ANTXR1: variants seen among roughly 807,000 people sequenced by gnomAD.
ANTXR1 encodes the protein ANTXR cell adhesion molecule 1.
ANTXR1 carries 19 observed loss-of-function variants against 78.1 expected under a neutral mutation model. The ratio of observed to expected loss-of-function variants is 0.24; its 90% CI spans 0.17 to 0.36. ANTXR1 has a LOEUF of 0.36. Among genes scored for constraint, ANTXR1 ranks in the 10% least tolerant of loss-of-function variants. The pLI is 1.00. For missense variants in ANTXR1, 518 were observed against 718.6 expected (o/e 0.72, Z 3.19); for synonymous variants, 273 against 260.5 (o/e 1.05, Z -0.46).
intron 1 of ANTXR1, among the ~76,000 whole-genome samples, chr2:69,023,231 T>C (rs114959184): frequency 0.062 from 9,364 of 152,220 alleles, 945 homozygotes; most frequent in African/African-American, 0.21. Context: ...TAATTAACCA[T>C]TTGGCACATG....
chr2:69,077,617 A>G, intron 8 of ANTXR1, 129 bp downstream of exon 8: 1 of 997,720 alleles, frequency 1.0e-6, no homozygotes, highest in Non-Finnish European at 1.6e-6. Context: ...TTCTTCCTAT[A>G]TCTTTGTGTC....
At chr2:69,124,495 G>A (rs1409635390) in intron 11 of ANTXR1, 70 bp from the exon 12 acceptor site, 2 of 1,358,080 alleles carry the variant, frequency 1.5e-6, no homozygotes, top group Non-Finnish European at 2.1e-6. Flanking sequence ...GGAGTCCTGT[G>A]TGTCTGGCTC....
chr2:69,195,155 A>G (rs1413428003), intron 17 of ANTXR1, among the ~76,000 whole-genome samples: 1 of 150,278 alleles, frequency 6.7e-6, no homozygotes, highest in African/African-American at 2.5e-5. Context: ...CAACAGAGCA[A>G]GACTCTGTCT....
chr2:69,078,382 C>T (rs1374718434), intron 8 of ANTXR1, among the ~76,000 whole-genome samples: 1 of 152,190 alleles, frequency 6.6e-6, no homozygotes, highest in African/African-American at 2.4e-5. Context: ...GATGCAAATT[C>T]AGAGCTCAGG....
At chr2:69,091,106 TTGTTTGGA>T in intron 9 of ANTXR1, among the ~76,000 whole-genome samples, 187 bp downstream of exon 9, 1 of 145,426 alleles carries the variant, frequency 6.9e-6, no homozygotes, top group African/African-American at 2.5e-5. Flanking sequence ...CACATGTCAG[TTGTTTGGA>T]AGTTAAAAAA....
intron 17 of ANTXR1, among the ~76,000 whole-genome samples, chr2:69,230,455 C>T (rs1675563818): frequency 6.6e-6 from 1 of 152,088 alleles, no homozygotes; most frequent in African/African-American, 2.4e-5. Flanking sequence ...GGAGAGTTAG[C>T]ATTTCATATA....
intron 8 of ANTXR1, among the ~76,000 whole-genome samples, chr2:69,082,139 T>C (rs1294857635): frequency 6.6e-6 from 1 of 152,190 alleles, no homozygotes; most frequent in Admixed American, 6.5e-5. Flanking sequence ...CCAGAATCCA[T>C]GTGGCCTGAT....
At chr2:69,109,601 A>G (rs1239045497) in intron 10 of ANTXR1, among the ~76,000 whole-genome samples, 3 of 152,232 alleles carry the variant, frequency 2.0e-5, no homozygotes, top group Non-Finnish European at 4.4e-5. Context: ...GTAGGGAAAG[A>G]GTGGGTTATT....
chr2:69,025,114 G>A (rs574101593), intron 1 of ANTXR1, among the ~76,000 whole-genome samples: 1 of 152,066 alleles, frequency 6.6e-6, no homozygotes, highest in African/African-American at 2.4e-5. Flanking sequence ...CTTGCCTTTG[G>A]CTCTAATGCC....
chr2:69,079,872 G>C (rs1670849218), intron 8 of ANTXR1, among the ~76,000 whole-genome samples: 1 of 152,112 alleles, frequency 6.6e-6, no homozygotes, highest in Non-Finnish European at 1.5e-5. Context: ...TAGATGATTG[G>C]ACTCTTTTTG....
rs1671672195 is a variant in ANTXR1 at position 69,102,916 on chromosome 2, A to G, written c.778A>G (p.Lys260Glu). The G allele has an allele frequency of 6.2e-7, 1 of 1,614,038 alleles. No individual in the cohort carries two copies. The highest frequency in any genetic ancestry group is 8.5e-7 in the Non-Finnish European group (1 of 1,180,042). ...RNVDRVLCSFKINDSVTLNEK... is the reference protein window; with the variant it reads ...RNVDRVLCSFEINDSVTLNEK... Reference sequence around the variant, plus strand: ...CGTGGACAGGGTCCTCTGCAGCTTCAAGATCAATGACTCGGTCACACTCAG... The same window carrying G: ...CGTGGACAGGGTCCTCTGCAGCTTCGAGATCAATGACTCGGTCACACTCAG... Residue 260 changes from lysine to glutamate, a missense_variant, in exon 10 of 18, where the codon AAG becomes GAG. Coordinates refer to ENST00000303714, the MANE Select transcript of ANTXR1 (RefSeq NM_032208.3).
At chr2:69,047,110 T>G (rs1372408518) in intron 3 of ANTXR1, among the ~76,000 whole-genome samples, 3 of 152,164 alleles carry the variant, frequency 2.0e-5, no homozygotes, top group Non-Finnish European at 4.4e-5. Context: ...GAGGGCTGAC[T>G]TCTAGTATAT....
At chr2:69,168,632 T>A (rs941949710) in intron 13 of ANTXR1, among the ~76,000 whole-genome samples, 4 of 152,320 alleles carry the variant, frequency 2.6e-5, no homozygotes, top group African/African-American at 9.6e-5. Flanking sequence ...ATTCCAGATC[T>A]TGGTCCCCAG....
At chr2:69,168,327 C>T (rs1673887563) in intron 13 of ANTXR1, among the ~76,000 whole-genome samples, 1 of 152,244 alleles carries the variant, frequency 6.6e-6, no homozygotes, top group Non-Finnish European at 1.5e-5. Flanking sequence ...GACTCAGTTT[C>T]TGCAAGGTTC....
intron 8 of ANTXR1, among the ~76,000 whole-genome samples, chr2:69,085,995 A>G (rs1441041418): frequency 6.6e-6 from 1 of 152,246 alleles, no homozygotes; most frequent in Non-Finnish European, 1.5e-5. Flanking sequence ...TTTGCCCTTT[A>G]CAACAAATAA....
intron 1 of ANTXR1, among the ~76,000 whole-genome samples, chr2:69,039,756 C>T (rs1041600390): frequency 2.5e-4 from 38 of 151,744 alleles, no homozygotes; most frequent in African/African-American, 9.0e-4. Flanking sequence ...TTGTGAATCT[C>T]TTTGGGCCCA....
intron 17 of ANTXR1, among the ~76,000 whole-genome samples, chr2:69,237,596 A>AT (rs1181305559): frequency 6.6e-6 from 1 of 151,908 alleles, no homozygotes; most frequent in Non-Finnish European, 1.5e-5. Flanking sequence ...AATTTTTTTT[A>AT]TTTTTTGTAG....
chr2:69,140,728 G>A (rs1167205699), intron 12 of ANTXR1, among the ~76,000 whole-genome samples: 7 of 152,200 alleles, frequency 4.6e-5, no homozygotes, highest in Admixed American at 2.0e-4. Context: ...AATCTCCAAA[G>A]CCACTAGTTT....
chr2:69,087,108 T>C (rs13398283), intron 8 of ANTXR1, among the ~76,000 whole-genome samples: 21,291 of 152,118 alleles, frequency 0.14, 1,653 homozygotes, highest in East Asian at 0.23. Context: ...GATTTGGAGG[T>C]TTAATAACTT....
Sources: gnomAD v4.1 joint callset for allele counts (sites outside exome capture counted in the v4.1 genomes callset) on GRCh38, gnomAD v4.1.1 for gene constraint, MANE v1.5 for transcripts, NCBI Gene and HGNC (gene_info 2026-07-23, HGNC 2026-07-21) for gene names.